Variants in EPHB1 observed in about 807,000 individuals in gnomAD.
EPHB1 encodes EPH receptor B1.
EPHB1 carries 30 observed loss-of-function variants against 94.4 expected under a neutral mutation model. The observed-to-expected ratio is 0.32, with a 90% CI of 0.24 to 0.43. EPHB1 has a LOEUF of 0.43. Among genes scored for constraint, EPHB1 ranks in the 20% least tolerant of loss-of-function variants. EPHB1 has a pLI of 1.00. For synonymous variants in EPHB1, 522 were observed against 489.1 expected (o/e 1.07, Z -0.89); for missense variants, 1,055 against 1,308.3 (o/e 0.81, Z 2.99).
chr3:135,171,153 C>T (rs1485152659), intron 9 of EPHB1, among the ~76,000 whole-genome samples: 2 of 152,006 alleles, frequency 1.3e-5, no homozygotes, highest in African/African-American at 4.8e-5. Context: ...CACTGGGAAC[C>T]CCCAAAGTTT....
intron 3 of EPHB1, among the ~76,000 whole-genome samples, chr3:135,093,668 G>A (rs1027083498): frequency 1.3e-5 from 2 of 150,362 alleles, no homozygotes; most frequent in African/African-American, 4.9e-5. Context: ...GTTGCAGCAA[G>A]CTGAGATTAC....
At chr3:135,013,856 T>A (rs773009535) in intron 3 of EPHB1, among the ~76,000 whole-genome samples, 2 of 152,188 alleles carry the variant, frequency 1.3e-5, no homozygotes, top group Non-Finnish European at 2.9e-5. Flanking sequence ...TATTCCTGCT[T>A]GAATTCAGGT....
intron 3 of EPHB1, among the ~76,000 whole-genome samples, chr3:134,968,694 G>A (rs1350600781): frequency 6.6e-6 from 1 of 152,142 alleles, no homozygotes; most frequent in African/African-American, 2.4e-5. Flanking sequence ...GGTACCAAGA[G>A]CTCCTTTCTG....
chr3:135,039,692 C>T (rs537229224), intron 3 of EPHB1, among the ~76,000 whole-genome samples: 4 of 152,340 alleles, frequency 2.6e-5, no homozygotes, highest in South Asian at 4.1e-4. Flanking sequence ...CCCCCTTGCT[C>T]GGGGCCAGCA....
intron 12 of EPHB1, among the ~76,000 whole-genome samples, chr3:135,217,427 CA>C (rs1250877193): frequency 1.5e-4 from 2 of 13,038 alleles, no homozygotes; most frequent in East Asian, 3.0e-3. Context: ...ATCAGTACCA[CA>C]CACACACACA....
intron 3 of EPHB1, among the ~76,000 whole-genome samples, chr3:134,952,986 G>T (rs963918746): frequency 6.6e-6 from 1 of 152,146 alleles, no homozygotes; most frequent in African/African-American, 2.4e-5. Flanking sequence ...AGCCTTCAAA[G>T]GTCCTGATTC....
At chr3:134,937,890 C>G (rs2039036213) in intron 2 of EPHB1, among the ~76,000 whole-genome samples, 1 of 151,766 alleles carries the variant, frequency 6.6e-6, no homozygotes, top group Admixed American at 6.6e-5. Flanking sequence ...GCCATAGTGA[C>G]CAGCCAAGCA....
chr3:135,231,248 TAAAA>T (rs1442822378), intron 12 of EPHB1, among the ~76,000 whole-genome samples: 1 of 152,176 alleles, frequency 6.6e-6, no homozygotes, highest in African/African-American at 2.4e-5. Context: ...CACTGGATAA[TAAAA>T]AGAAATAATA....
chr3:135,011,476 T>C (rs1162059411), intron 3 of EPHB1, among the ~76,000 whole-genome samples: 1 of 152,206 alleles, frequency 6.6e-6, no homozygotes, highest in Non-Finnish European at 1.5e-5. Flanking sequence ...GGTGTTCTCC[T>C]CTCCAGAGTA....
chr3:134,852,439 C>T (rs1204274836), intron 1 of EPHB1: 1 of 152,158 alleles, frequency 6.6e-6, no homozygotes, highest in African/African-American at 2.4e-5. Flanking sequence ...CCCCATATCG[C>T]CTTTGAGCAC....
chr3:135,127,653 C>T (rs1026819890), intron 4 of EPHB1, among the ~76,000 whole-genome samples: 1 of 152,188 alleles, frequency 6.6e-6, no homozygotes, highest in South Asian at 2.1e-4. Context: ...TTTGATTACT[C>T]AGGAGTGCTC....
intron 3 of EPHB1, among the ~76,000 whole-genome samples, chr3:135,055,836 G>A (rs1011945880): frequency 6.6e-6 from 1 of 152,178 alleles, no homozygotes; most frequent in African/African-American, 2.4e-5. Flanking sequence ...ACAGGTCTGA[G>A]TATGGGCTCA....
intron 1 of EPHB1, among the ~76,000 whole-genome samples, chr3:134,836,566 A>G (rs1042807456): frequency 1.3e-5 from 2 of 152,220 alleles, no homozygotes; most frequent in Admixed American, 1.3e-4. Flanking sequence ...TAAATAACGG[A>G]TAACAGAAAT....
chr3:135,024,208 C>T (rs1435447544), intron 3 of EPHB1, among the ~76,000 whole-genome samples: 1 of 152,190 alleles, frequency 6.6e-6, no homozygotes, highest in Non-Finnish European at 1.5e-5. Flanking sequence ...AAGTGTGAGA[C>T]TCAGTTGAAG....
intron 9 of EPHB1, among the ~76,000 whole-genome samples, chr3:135,173,244 C>T (rs1042362615): frequency 7.2e-5 from 11 of 151,822 alleles, no homozygotes; most frequent in South Asian, 2.1e-4. Flanking sequence ...CCGTTTTAGC[C>T]GGGATGGTCT....
chr3:134,795,329 C>G lies in EPHB1; in HGVS notation c.-303C>G, dbSNP rs1343712993. ...AATGTGACACCAGGACGCACTCGCT[C>G]TCGCGCGCTCTCCCAGGCTCGTTCT... On this transcript the variant is annotated 5_prime_UTR_variant, in exon 1 of 16. Transcript: ENST00000398015. 27 of 481,588 alleles carry G rather than the reference C, an allele frequency of 5.6e-5. No homozygotes were observed. In the Middle Eastern group the frequency reaches 1.6e-3, roughly 28 times the overall value. 29.8% of individuals were successfully genotyped at this position (481,588 alleles called of 1,614,324 possible).
At chr3:135,074,040 C>T (rs1262619219) in intron 3 of EPHB1, among the ~76,000 whole-genome samples, 1 of 152,210 alleles carries the variant, frequency 6.6e-6, no homozygotes, top group Non-Finnish European at 1.5e-5. Flanking sequence ...TGTTGATTCT[C>T]ATTGTCCAGA....
chr3:134,861,955 G>T (rs1247895219), intron 1 of EPHB1, among the ~76,000 whole-genome samples: 1 of 152,112 alleles, frequency 6.6e-6, no homozygotes. Context: ...GCCAAGCTTG[G>T]GTATTCATTT....
At chr3:134,905,159 GT>G (rs1260810054) in intron 1 of EPHB1, among the ~76,000 whole-genome samples, 1 of 152,198 alleles carries the variant, frequency 6.6e-6, no homozygotes. Flanking sequence ...CCAGTGCAGT[GT>G]TTCTTTAGAA....
Sources: gnomAD v4.1 joint callset for allele counts (sites outside exome capture counted in the v4.1 genomes callset) on GRCh38, gnomAD v4.1.1 for gene constraint, MANE v1.5 for transcripts, NCBI Gene and HGNC (gene_info 2026-07-23, HGNC 2026-07-21) for gene names.